Variants in TJP3 observed in about 807,000 individuals in gnomAD.
The protein encoded by TJP3 is tight junction protein 3.
TJP3 carries 85 observed loss-of-function variants against 104.2 expected under a neutral mutation model. That is an observed-to-expected ratio of 0.82 (90% confidence interval 0.68 to 0.98). The LOEUF (loss-of-function observed/expected upper bound fraction) is 0.98, where lower values mean the gene tolerates loss of function less well. Among genes scored for constraint, TJP3 ranks in the 50% least tolerant of loss-of-function variants. TJP3 has a pLI of 0.00. For missense variants in TJP3, 1,367 were observed against 1,322.8 expected, an observed-to-expected ratio of 1.03 and a Z score of -0.52; for synonymous variants, 550 against 550.6, an observed-to-expected ratio of 1.00 and a Z score of 0.02.
At chr19:3,749,744 A>G (rs2036965173) in intron 19 of TJP3, 3 of 234,214 alleles carry the variant, frequency 1.3e-5, no homozygotes, top group South Asian at 1.6e-4. Flanking sequence ...GTAAAAATCT[A>G]TGAATCAATG....
At chr19:3,710,839 G>T (rs370123956) in intron 1 of TJP3, among the ~76,000 whole-genome samples, 2 of 152,274 alleles carry the variant, frequency 1.3e-5, no homozygotes, top group African/African-American at 4.8e-5. Flanking sequence ...AAACAAGAGC[G>T]CAGTAATGGA....
intron 1 of TJP3, among the ~76,000 whole-genome samples, chr19:3,718,487 T>C (rs904683879): frequency 7.3e-5 from 10 of 137,766 alleles, no homozygotes; most frequent in Non-Finnish European, 1.6e-4. Context: ...GGGGGCGGGG[T>C]GGACAGGGCC....
At chr19:3,710,406 G>A (rs602171) in intron 1 of TJP3, among the ~76,000 whole-genome samples, 108,774 of 151,882 alleles carry the variant, frequency 0.72, 39,309 homozygotes, top group East Asian at 1. Flanking sequence ...TCAAGACGCA[G>A]AGGACAGGGA....
chr19:3,741,179 T>C (rs2036812226), intron 14 of TJP3, among the ~76,000 whole-genome samples: 1 of 151,958 alleles, frequency 6.6e-6, no homozygotes, highest in South Asian at 2.1e-4. Flanking sequence ...ATTTTTGTAT[T>C]TTTAGTAAAG....
At chr19:3,748,720 C>T (rs566813731) in intron 19 of TJP3, among the ~76,000 whole-genome samples, 14 of 151,156 alleles carry the variant, frequency 9.3e-5, no homozygotes, top group African/African-American at 3.4e-4. Context: ...AGGCGTGCAC[C>T]ACCATGCCTG....
chr19:3,747,939 C>T lies in TJP3; in HGVS notation c.2468C>T (p.Thr823Ile), dbSNP rs2145707369. 6.2e-7 allele frequency: 1 copy of T among 1,613,182 alleles called. No homozygotes were observed. Among genetic ancestry groups the T allele is most frequent in the South Asian group, 1.1e-5 (1 of 91,076 alleles). ...GCGTACACGGATGGCGAGGGCTACA[C>T]AGACGGCGAGGGGGGGCCCTACACG... ...GGAYTDGEGY[T>I]DGEGGPYTDV... is the part of the protein sequence containing the mutation. The change falls in exon 19 of 21, where the codon ACA becomes ATA. Residue 823 changes from threonine (T) to isoleucine (I), a missense_variant. Coordinates refer to ENST00000541714, the MANE Select transcript of TJP3 (RefSeq NM_001267560.2).
chr19:3,722,461 C>G (rs1599146147), intron 1 of TJP3, among the ~76,000 whole-genome samples: 1 of 151,692 alleles, frequency 6.6e-6, no homozygotes, highest in Non-Finnish European at 1.5e-5. Context: ...TCCTACAAGG[C>G]TGCACGAGGG....
At chr19:3,747,289 G>A (rs938693119) in intron 18 of TJP3, among the ~76,000 whole-genome samples, 28 of 152,112 alleles carry the variant, frequency 1.8e-4, no homozygotes, top group African/African-American at 6.5e-4. Flanking sequence ...TCAAACTCCT[G>A]ACCTCAGGCG....
chr19:3,730,186 C>A lies in TJP3; in HGVS notation c.261+56C>A. The A allele has an allele frequency of 6.3e-7, 1 of 1,575,212 alleles. No homozygotes were observed. Among genetic ancestry groups the A allele is most frequent in the Non-Finnish European group, 8.7e-7 (1 of 1,145,434 alleles). ...TCTCTGACCCCAGCCTGGGTCGTGC[C>A]GCTGTGGGGGTTGTAAGCTTCTGAG... is the stretch of plus-strand genomic sequence containing the variant. On this transcript the variant is annotated intron_variant, in intron 4 of 20. Transcript: ENST00000541714. This position sits in a 1 kb window ranked among gnomAD's most constrained non-coding sequence, Gnocchi z 7.3.
At chr19:3,717,469 C>T (rs1269704738) in intron 1 of TJP3, among the ~76,000 whole-genome samples, 1 of 149,502 alleles carries the variant, frequency 6.7e-6, no homozygotes, top group South Asian at 2.1e-4. Context: ...TGCTGTCTGC[C>T]CTGTCACCCA....
chr19:3,732,940 C>T (rs989598077), intron 6 of TJP3, among the ~76,000 whole-genome samples: 4 of 152,160 alleles, frequency 2.6e-5, no homozygotes, highest in East Asian at 1.9e-4. Flanking sequence ...CCACCACACC[C>T]GGCCGACATT....
intron 8 of TJP3, among the ~76,000 whole-genome samples, chr19:3,735,255 A>G (rs2036723390): frequency 6.6e-6 from 1 of 152,024 alleles, no homozygotes; most frequent in Admixed American, 6.6e-5. Context: ...GCTGGAGTGC[A>G]GTGGCATGAT....
At chr19:3,734,192 G>C in intron 7 of TJP3, 135 bp from the exon 8 acceptor site, 1 of 1,026,690 alleles carries the variant, frequency 9.7e-7, no homozygotes, top group Non-Finnish European at 1.4e-6. Context: ...CAGCTCCAGA[G>C]CCGAATCTTC....
chr19:3,725,361 G>T (rs1440370564), intron 1 of TJP3, among the ~76,000 whole-genome samples: 1 of 152,182 alleles, frequency 6.6e-6, no homozygotes, highest in Admixed American at 6.6e-5. Flanking sequence ...CCTCAGGCAA[G>T]TTACTGAACC....
rs116899199 is a variant in TJP3 at position 3,712,776 on chromosome 19, C to T, written c.-10+4215C>T. ...CAGGTCCGGGCAACATAGCGAGATA[C>T]CGTCTCTACAAAATATACAAAAATC... On this transcript the variant is annotated intron_variant, in intron 1 of 20. Coordinates refer to ENST00000541714, the MANE Select transcript of TJP3 (RefSeq NM_001267560.2). Among the ~76,000 whole-genome samples the T allele has an allele frequency of 2.3e-3, 345 of 152,042 alleles. 2 individuals are homozygous for T. Among genetic ancestry groups the T allele is most frequent in the Non-Finnish European group, 3.5e-3 (235 of 67,986 alleles).
Position 3,728,419 on chromosome 19 carries a change from A to C in TJP3, c.-9-5A>C. On this transcript the variant is annotated splice_region_variant and splice_polypyrimidine_tract_variant and intron_variant, in intron 1 of 20. Transcript: ENST00000541714. ...ATGCCCATCTTCCCCGCTCCCCTCG[A>C]CCAGGTGGCTGACATGGAGGAGCTG... 1 of 1,614,156 alleles carries C rather than the reference A, an allele frequency of 6.2e-7. No individual in the cohort carries two copies. Among genetic ancestry groups the C allele is most frequent in the Non-Finnish European group, 8.5e-7 (1 of 1,180,020 alleles).
Position 3,718,241 on chromosome 19 carries a change from G to C in TJP3, c.-10+9680G>C, listed in dbSNP as rs1206928755. On this transcript the variant is annotated intron_variant, in intron 1 of 20. Coordinates refer to ENST00000541714, the MANE Select transcript of TJP3 (RefSeq NM_001267560.2). Reference sequence around the variant, plus strand: ...TGTGTGTGTGTGTGTGTGTGTGTGTGTGTGTGTGTGTGTGTCTGTGTGTGT... The same window carrying C: ...TGTGTGTGTGTGTGTGTGTGTGTGTCTGTGTGTGTGTGTGTCTGTGTGTGT... Among the ~76,000 whole-genome samples, 7 of 122,970 alleles carry C rather than the reference G, an allele frequency of 5.7e-5. No individual in the cohort carries two copies. In the Admixed American group the frequency reaches 6.0e-4, roughly 11 times the overall value. The allele number at this position is 122,970 out of a possible 152,430, so 80.7% of individuals were successfully genotyped here. A position where few individuals can be genotyped will look rare whatever the true frequency, so the allele number is the denominator to read the frequency against.
chr19:3,719,732 CAAAAAAAAAA>C (rs34047272), intron 1 of TJP3, among the ~76,000 whole-genome samples: 4 of 81,758 alleles, frequency 4.9e-5, no homozygotes, highest in African/African-American at 1.7e-4. Flanking sequence ...GACTCCGTCT[CAAAAAAAAAA>C]AAAAAAAAAA....
Position 3,735,477 on chromosome 19 carries a change from G to C in TJP3, c.987-89G>C, listed in dbSNP as rs568944037. 70 of 1,312,648 alleles carry C rather than the reference G, an allele frequency of 5.3e-5. No individual in the cohort carries two copies. The African/African-American group carries it at 9.1e-4, about 17-fold the overall frequency. The allele number at this position is 1,312,648 out of a possible 1,614,324, so 81.3% of individuals were successfully genotyped here. On this transcript the variant is annotated intron_variant, in intron 8 of 20. Coordinates refer to ENST00000541714, the MANE Select transcript of TJP3 (RefSeq NM_001267560.2). ...ACCTCCCAAAATGCTAGGATTACAGGCATGAACCACCGTGCCCGGCCTAAA... is the reference window on the plus strand; with the variant it reads ...ACCTCCCAAAATGCTAGGATTACAGCCATGAACCACCGTGCCCGGCCTAAA...
Sources: allele counts gnomAD v4.1 joint callset (sites outside exome capture counted in the v4.1 genomes callset), GRCh38; gene constraint gnomAD v4.1.1; non-coding constraint Gnocchi (gnomAD v3.1); transcripts MANE v1.5; gene names NCBI Gene and HGNC (gene_info 2026-07-23, HGNC 2026-07-21).